The following MYRIP variants were observed in gnomAD, a reference collection of about 807,000 sequenced individuals.
MYRIP encodes myosin VIIA and Rab interacting protein.
MYRIP carries 49 observed loss-of-function variants against 98.0 expected under a neutral mutation model. The ratio of observed to expected loss-of-function variants is 0.50; its 90% CI spans 0.40 to 0.63. The LOEUF is 0.63. MYRIP is among the 30% of genes least tolerant of loss of function. The pLI, the probability that MYRIP is intolerant of heterozygous loss-of-function variation, is 0.00. For missense variants in MYRIP, 1,004 were observed against 1,058.2 expected, an observed-to-expected ratio of 0.95 and a Z score of 0.71; for synonymous variants, 404 against 409.5, an observed-to-expected ratio of 0.99 and a Z score of 0.16.
chr3:40,236,728 A>G (rs1442643635), intron 12 of MYRIP, among the ~76,000 whole-genome samples: 1 of 152,246 alleles, frequency 6.6e-6, no homozygotes, highest in Non-Finnish European at 1.5e-5. Context: ...GCATGGCCCT[A>G]GCCATGAAGT....
At chr3:39,841,890 T>C (rs1941810318) in intron 1 of MYRIP, among the ~76,000 whole-genome samples, 2 of 152,178 alleles carry the variant, frequency 1.3e-5, no homozygotes, top group South Asian at 4.1e-4. Flanking sequence ...AAGGTGTCTG[T>C]CAACCCCTGC....
chr3:39,892,441 G>A (rs1943511037), intron 1 of MYRIP, among the ~76,000 whole-genome samples: 1 of 152,166 alleles, frequency 6.6e-6, no homozygotes, highest in Admixed American at 6.5e-5. Flanking sequence ...AAGCACATAT[G>A]GGTTCAGTGT....
intron 4 of MYRIP, among the ~76,000 whole-genome samples, chr3:40,154,360 C>T (rs1240602626): frequency 1.3e-5 from 2 of 152,244 alleles, no homozygotes; most frequent in Admixed American, 1.3e-4. Context: ...TAAATATTTA[C>T]TGAACACCTA....
At position 40,212,916 on chromosome 3, in the gene MYRIP, G is replaced by A. The variant is rs527384448; in HGVS notation, c.1905+2823G>A. Among the ~76,000 whole-genome samples, 3 of 152,216 alleles carry A rather than the reference G, an allele frequency of 2.0e-5. No homozygotes were observed. In the South Asian group the frequency reaches 6.2e-4, roughly 32 times the overall value. On this transcript the variant is annotated intron_variant, in intron 11 of 16. Coordinates refer to ENST00000302541, the MANE Select transcript of MYRIP (RefSeq NM_015460.4). ...CTGGGCAATGACAGAGTGAGACCCT[G>A]TCTCAAAAATAAATATATAAATAAA...
intron 9 of MYRIP, among the ~76,000 whole-genome samples, chr3:40,188,437 A>G (rs1326103445): frequency 6.6e-6 from 1 of 151,268 alleles, no homozygotes. Flanking sequence ...TGGGGTCCTC[A>G]TCACTGCCCC....
At chr3:40,191,721 A>G (rs1347479768) in intron 10 of MYRIP, among the ~76,000 whole-genome samples, 1 of 152,220 alleles carries the variant, frequency 6.6e-6, no homozygotes, top group African/African-American at 2.4e-5. Flanking sequence ...AAAACAGAAG[A>G]TCATTAAAAA....
chr3:40,008,411 G>A (rs1946681331), intron 2 of MYRIP, among the ~76,000 whole-genome samples: 1 of 152,136 alleles, frequency 6.6e-6, no homozygotes, highest in South Asian at 2.1e-4. Context: ...TTAAACTAAT[G>A]CTATCCATTT....
At chr3:39,882,602 G>A (rs1261585010) in intron 1 of MYRIP, among the ~76,000 whole-genome samples, 1 of 152,184 alleles carries the variant, frequency 6.6e-6, no homozygotes, top group Admixed American at 6.5e-5. Flanking sequence ...ATGGTCTTTG[G>A]AGGCAGTTAA....
chr3:40,096,438 G>T (rs796455493), intron 3 of MYRIP, among the ~76,000 whole-genome samples: 1 of 152,182 alleles, frequency 6.6e-6, no homozygotes. Flanking sequence ...GTCAAATTTA[G>T]CATATGGCAA....
chr3:40,245,042 A>T (rs1953146403), intron 13 of MYRIP, among the ~76,000 whole-genome samples: 1 of 152,164 alleles, frequency 6.6e-6, no homozygotes, highest in African/African-American at 2.4e-5. Context: ...TTAACATGTA[A>T]CTCCAGTGCC....
rs576050876 is a variant in MYRIP at position 39,954,941 on chromosome 3, T to G, written c.110+54015T>G. 1.2e-3 allele frequency among the ~76,000 whole-genome samples: 179 copies of G among 151,448 alleles called. 2 individuals are homozygous for G. Among genetic ancestry groups the G allele is most frequent in the Middle Eastern group, 3.4e-3 (1 of 294 alleles). On this transcript the variant is annotated intron_variant, in intron 2 of 16. Transcript: ENST00000302541. ...GGGTATCAGTGATTGAAGATCAAAT[T>G]AATAAAGTGAAGCAAGAAGAGAAGT...
intron 2 of MYRIP, among the ~76,000 whole-genome samples, chr3:40,002,870 G>A (rs1177251130): frequency 6.6e-6 from 1 of 151,840 alleles, no homozygotes; most frequent in Non-Finnish European, 1.5e-5. Flanking sequence ...ATATATAAGT[G>A]TCTATATATC....
chr3:40,244,222 C>T (rs1953112217), intron 12 of MYRIP, among the ~76,000 whole-genome samples: 1 of 152,166 alleles, frequency 6.6e-6, no homozygotes, highest in Non-Finnish European at 1.5e-5. Flanking sequence ...CTTTTTCTTA[C>T]AGGAAAGTTT....
chr3:39,949,002 A>T (rs1944955041), intron 2 of MYRIP, among the ~76,000 whole-genome samples: 1 of 152,174 alleles, frequency 6.6e-6, no homozygotes, highest in Non-Finnish European at 1.5e-5. Flanking sequence ...CAGGTATTTT[A>T]GTGTAAAATT....
At chr3:39,867,560 A>G (rs1321360405) in intron 1 of MYRIP, among the ~76,000 whole-genome samples, 1 of 152,252 alleles carries the variant, frequency 6.6e-6, no homozygotes. Context: ...AGTGCTCAAC[A>G]TCACACATCA....
At chr3:40,021,092 C>T (rs1359286471) in intron 2 of MYRIP, among the ~76,000 whole-genome samples, 1 of 152,182 alleles carries the variant, frequency 6.6e-6, no homozygotes, top group Non-Finnish European at 1.5e-5. Flanking sequence ...TTTATAAAAG[C>T]ATGACTAAGG....
At chr3:40,202,218 CTG>C (rs1222399005) in intron 10 of MYRIP, among the ~76,000 whole-genome samples, 2 of 152,122 alleles carry the variant, frequency 1.3e-5, no homozygotes, top group Non-Finnish European at 2.9e-5. Flanking sequence ...TAACATGTGA[CTG>C]TTGAAAGTTA....
intron 2 of MYRIP, among the ~76,000 whole-genome samples, chr3:39,964,001 T>C (rs1391003209): frequency 6.6e-6 from 1 of 152,150 alleles, no homozygotes; most frequent in Admixed American, 6.6e-5. Context: ...TTCTGTATAC[T>C]ATCTGGGGCA....
intron 10 of MYRIP, among the ~76,000 whole-genome samples, chr3:40,193,817 C>T (rs571032632): frequency 1.6e-4 from 25 of 152,290 alleles, no homozygotes; most frequent in African/African-American, 5.5e-4. Context: ...GCAATTTTTC[C>T]TGTGTTTAAA....
Sources: gnomAD v4.1 joint callset for allele counts (sites outside exome capture counted in the v4.1 genomes callset) on GRCh38, gnomAD v4.1.1 for gene constraint, MANE v1.5 for transcripts, NCBI Gene and HGNC (gene_info 2026-07-23, HGNC 2026-07-21) for gene names.